The following LDLRAD4 variants were observed in gnomAD, a reference collection of about 807,000 sequenced individuals.
LDLRAD4 encodes low-density lipoprotein receptor class A domain-containing protein 4.
LDLRAD4 carries 5 observed loss-of-function variants against 17.0 expected under a neutral mutation model. That is an observed-to-expected ratio of 0.29 (90% confidence interval 0.15 to 0.62). The LOEUF is 0.62. Ranked by LOEUF, LDLRAD4 falls within the 20% of genes least tolerant of loss-of-function variation. The pLI, the probability that LDLRAD4 is intolerant of heterozygous loss-of-function variation, is 0.84. For missense variants in LDLRAD4, 340 were observed against 424.7 expected (o/e 0.80, Z 1.75); for synonymous variants, 168 against 171.8 (o/e 0.98, Z 0.17).
chr18:13,460,392 C>T (rs866950961), intron 3 of LDLRAD4, among the ~76,000 whole-genome samples: 1 of 152,094 alleles, frequency 6.6e-6, no homozygotes, highest in African/African-American at 2.4e-5. Flanking sequence ...GGGGTCTCAC[C>T]GTTTTGCCCA....
intron 1 of LDLRAD4, among the ~76,000 whole-genome samples, chr18:13,310,980 A>G (rs2047201061): frequency 1.3e-5 from 2 of 152,202 alleles, no homozygotes; most frequent in East Asian, 1.9e-4. Flanking sequence ...GGTATATTAC[A>G]TAACTCACAG....
Position 13,315,783 on chromosome 18 carries a change from TAAA to T in LDLRAD4, c.-383+37611_-383+37613del, listed in dbSNP as rs78099800. ...TGGGCAACAAGAGTGAAACTCCGTC[TAAA>T]AAAAAAAAAAAAAAAGAATGTATAA... On this transcript the variant is annotated intron_variant, in intron 1 of 5. Coordinates refer to ENST00000359446, the Ensembl canonical transcript of LDLRAD4. Among the ~76,000 whole-genome samples the T allele has an allele frequency of 6.1e-3, 525 of 85,890 alleles. 1 individual carries two copies. The highest frequency in any genetic ancestry group is 0.02 in the African/African-American group (490 of 24,924). 56.3% of individuals were successfully genotyped at this position (85,890 alleles called of 152,430 possible).
intron 1 of LDLRAD4, among the ~76,000 whole-genome samples, chr18:13,371,719 C>G (rs1352569448): frequency 6.6e-6 from 1 of 150,712 alleles, no homozygotes; most frequent in Non-Finnish European, 1.5e-5. Flanking sequence ...GAGCCGAGAT[C>G]ACACCACCAC....
At chr18:13,601,275 T>C (rs2095157674) in intron 3 of LDLRAD4, among the ~76,000 whole-genome samples, 1 of 152,094 alleles carries the variant, frequency 6.6e-6, no homozygotes, top group Non-Finnish European at 1.5e-5. Context: ...AACAAATCAA[T>C]GAGAATAAAA....
At chr18:13,532,262 G>T (rs532017423) in intron 3 of LDLRAD4, among the ~76,000 whole-genome samples, 2 of 152,244 alleles carry the variant, frequency 1.3e-5, no homozygotes, top group Non-Finnish European at 2.9e-5. Flanking sequence ...CGAAGCAGCC[G>T]ACTTCTGGAG....
At chr18:13,324,810 A>G (rs143240788) in intron 1 of LDLRAD4, among the ~76,000 whole-genome samples, 23 of 152,268 alleles carry the variant, frequency 1.5e-4, no homozygotes, top group African/African-American at 5.5e-4. Context: ...TTTAAAGAGG[A>G]AAGAGCAGAC....
upstream of LDLRAD4, among the ~76,000 whole-genome samples, chr18:13,276,324 T>C (rs1051073643): frequency 6.6e-6 from 1 of 152,200 alleles, no homozygotes; most frequent in Non-Finnish European, 1.5e-5. Context: ...CTAAGTTACA[T>C]TTATCAGTTT....
upstream of LDLRAD4, chr18:13,217,780 T>G (rs2145256686): frequency 6.7e-6 from 1 of 150,278 alleles, no homozygotes; most frequent in Non-Finnish European, 1.5e-5. This position sits in a 1 kb window ranked among gnomAD's most constrained non-coding sequence, Gnocchi z 4.9. Flanking sequence ...AGCAGGCGAG[T>G]GCGTTGGCCC....
At chr18:13,510,900 A>G (rs1320967219) in intron 3 of LDLRAD4, among the ~76,000 whole-genome samples, 1 of 152,130 alleles carries the variant, frequency 6.6e-6, no homozygotes, top group Non-Finnish European at 1.5e-5. Flanking sequence ...TGAGAGGGAA[A>G]CTTCAACACA....
intron 2 of LDLRAD4, among the ~76,000 whole-genome samples, chr18:13,393,573 G>A (rs574468885): frequency 2.0e-5 from 3 of 152,242 alleles, no homozygotes; most frequent in South Asian, 4.1e-4. Flanking sequence ...AAATATTGAC[G>A]GAGCTCTTGC....
intron 1 of LDLRAD4, among the ~76,000 whole-genome samples, chr18:13,384,402 T>C (rs2085630739): frequency 6.6e-6 from 1 of 152,256 alleles, no homozygotes; most frequent in South Asian, 2.1e-4. Context: ...CACCAACTTA[T>C]CATTTTTTGT....
At chr18:13,385,211 A>C (rs2085706226) in intron 1 of LDLRAD4, among the ~76,000 whole-genome samples, 1 of 152,178 alleles carries the variant, frequency 6.6e-6, no homozygotes, top group South Asian at 2.1e-4. Flanking sequence ...TTGTGGCTTT[A>C]ATTTGCATAT....
At position 13,294,822 on chromosome 18, in the gene LDLRAD4, TAA is replaced by T. The variant is rs11362104; in HGVS notation, c.-383+16650_-383+16651del. On this transcript the variant is annotated intron_variant, in intron 1 of 5. Coordinates refer to ENST00000359446, the Ensembl canonical transcript of LDLRAD4. ...TGTCACAGCCTGATATGTAAAATAG[TAA>T]AAAAAAAAAAAAAAAGTTGTCTTTT... Among the ~76,000 whole-genome samples, 988 of 135,160 alleles carry T rather than the reference TAA, an allele frequency of 7.3e-3. 10 individuals are homozygous for T. Among genetic ancestry groups the T allele is most frequent in the South Asian group, 0.015 (63 of 4,144 alleles). The allele number at this position is 135,160 out of a possible 152,430, so 88.7% of individuals were successfully genotyped here.
chr18:13,380,053 C>T (rs544661041), intron 1 of LDLRAD4, among the ~76,000 whole-genome samples: 9 of 145,846 alleles, frequency 6.2e-5, no homozygotes, highest in Non-Finnish European at 1.2e-4. Flanking sequence ...AGAACCTCTA[C>T]GGGGGTGGGG....
At chr18:13,580,553 C>T (rs1473039429) in intron 3 of LDLRAD4, among the ~76,000 whole-genome samples, 1 of 152,176 alleles carries the variant, frequency 6.6e-6, no homozygotes, top group African/African-American at 2.4e-5. Context: ...GCAATGAGAA[C>T]GTCCCACCTC....
chr18:13,518,873 A>G (rs1200912730), intron 3 of LDLRAD4, among the ~76,000 whole-genome samples: 3 of 152,152 alleles, frequency 2.0e-5, no homozygotes, highest in Non-Finnish European at 2.9e-5. Context: ...TTTCAAGACT[A>G]GTCATTTTCC....
chr18:13,237,590 G>A (rs9962366), intron 1 of LDLRAD4, among the ~76,000 whole-genome samples: 4,565 of 152,256 alleles, frequency 0.03, 235 homozygotes, highest in African/African-American at 0.11. Context: ...TTCAGGGAAC[G>A]TGGATTCTTG....
intron 3 of LDLRAD4, among the ~76,000 whole-genome samples, chr18:13,569,192 C>T (rs2094649429): frequency 6.6e-6 from 1 of 152,236 alleles, no homozygotes; most frequent in South Asian, 2.1e-4. Flanking sequence ...GCCCTCCTCC[C>T]CACTCCTGGG....
At chr18:13,385,426 C>T (rs949962632) in intron 1 of LDLRAD4, among the ~76,000 whole-genome samples, 4 of 152,112 alleles carry the variant, frequency 2.6e-5, no homozygotes, top group African/African-American at 9.7e-5. Flanking sequence ...CCCAGTCTAT[C>T]GGTTGTCTCT....
Sources: allele counts gnomAD v4.1 joint callset (sites outside exome capture counted in the v4.1 genomes callset), GRCh38; gene constraint gnomAD v4.1.1; non-coding constraint Gnocchi (gnomAD v3.1); transcripts MANE v1.5; gene names NCBI Gene and HGNC (gene_info 2026-07-23, HGNC 2026-07-21).